The following DEFB124 variants were observed in gnomAD, a reference collection of about 807,000 sequenced individuals.
The protein encoded by DEFB124 is beta-defensin 124.
For missense variants in DEFB124, 78 were observed against 83.1 expected, an observed-to-expected ratio of 0.94 and a Z score of 0.24; for synonymous variants, 38 against 36.5, an observed-to-expected ratio of 1.04 and a Z score of -0.15.
At chr20:31,470,265 A>G (rs1297063847) in intron 2 of DEFB124, among the ~76,000 whole-genome samples, 1 of 111,178 alleles carries the variant, frequency 9.0e-6, no homozygotes, top group South Asian at 3.4e-4. Context: ...TGACCCCCCC[A>G]CCTCCCTCCC....
rs1321781578 is a variant in DEFB124, at chr20:31,465,568, A to G, written c.154T>C (p.Ser52Pro). The G allele has an allele frequency of 1.9e-6, 3 of 1,614,164 alleles. No individual in the cohort carries two copies. The highest frequency in any genetic ancestry group is 1.7e-5 in the Admixed American group (1 of 60,022). Residue 52 changes from serine (S) to proline (P), a missense_variant, in exon 3 of 3, where the codon TCC (serine) becomes CCC (proline). Transcript: ENST00000317676. ...ETYMHLCPDA[S>P]LCCLSYALKP... ...AATGCATAGGAGAGACAGCACAGGG[A>G]CGCATCCGGGCACAGGTGCATGTAA... is the stretch of plus-strand genomic sequence containing the variant.
intron 2 of DEFB124, among the ~76,000 whole-genome samples, chr20:31,468,738 G>C (rs1223804443): frequency 1.3e-5 from 2 of 151,852 alleles, no homozygotes; most frequent in Admixed American, 6.6e-5. Flanking sequence ...GCCTCCCAAA[G>C]TGCTGGGATT....
At chr20:31,470,586 G>T (rs1980230069) in intron 2 of DEFB124, among the ~76,000 whole-genome samples, 2 of 132,966 alleles carry the variant, frequency 1.5e-5, no homozygotes, top group African/African-American at 6.0e-5. Flanking sequence ...GGACGGGGCG[G>T]CTGGCCGGGC....
intron 2 of DEFB124, among the ~76,000 whole-genome samples, chr20:31,470,788 G>T (rs1459663425): frequency 9.2e-6 from 1 of 109,158 alleles, no homozygotes; most frequent in African/African-American, 3.6e-5. Context: ...GCTGGGCAGA[G>T]GCGCCCCTCA....
At chr20:31,474,129 A>C (rs948799098) in intron 1 of DEFB124, among the ~76,000 whole-genome samples, 3 of 152,262 alleles carry the variant, frequency 2.0e-5, no homozygotes, top group African/African-American at 7.2e-5. Flanking sequence ...TAGACAACCA[A>C]AAGTTTTTTA....
chr20:31,470,154 G>A (rs560700146), intron 2 of DEFB124, among the ~76,000 whole-genome samples: 2 of 132,794 alleles, frequency 1.5e-5, no homozygotes, highest in East Asian at 2.1e-4. Context: ...AGGGGCGGCC[G>A]GGCAGAGGTG....
chr20:31,471,403 C>T (rs868432571), intron 2 of DEFB124, among the ~76,000 whole-genome samples: 208 of 108,244 alleles, frequency 1.9e-3, no homozygotes, highest in African/African-American at 8.1e-3. Flanking sequence ...GCTGGCCGGG[C>T]GGGGGGCTGA....
chr20:31,471,337 A>C (rs1600568981), intron 2 of DEFB124, among the ~76,000 whole-genome samples: 3 of 39,806 alleles, frequency 7.5e-5, no homozygotes, highest in East Asian at 9.0e-4. Context: ...TCCCTCCCGG[A>C]CGGGGCGGCT....
chr20:31,468,888 G>A (rs1980150363), intron 2 of DEFB124, among the ~76,000 whole-genome samples: 1 of 152,036 alleles, frequency 6.6e-6, no homozygotes, highest in Admixed American at 6.5e-5. Context: ...AAAGCTGGAG[G>A]ATTGCTTGAG....
At chr20:31,466,866 C>T (rs1051699775) in intron 2 of DEFB124, among the ~76,000 whole-genome samples, 1 of 152,098 alleles carries the variant, frequency 6.6e-6, no homozygotes, top group Admixed American at 6.5e-5. Flanking sequence ...GCCTGTCCTT[C>T]ATTTATTCAC....
At chr20:31,471,379 T>C (rs1434182729) in intron 2 of DEFB124, among the ~76,000 whole-genome samples, 4 of 76,108 alleles carry the variant, frequency 5.3e-5, no homozygotes, top group Admixed American at 1.3e-4. Flanking sequence ...CCCACCTCCC[T>C]CCCGGACGGG....
intron 2 of DEFB124, among the ~76,000 whole-genome samples, chr20:31,470,027 G>A (rs1430250702): frequency 2.7e-5 from 4 of 148,584 alleles, no homozygotes; most frequent in Non-Finnish European, 5.9e-5. Flanking sequence ...AGGGGCGGCC[G>A]GGCAGAGGCG....
rs1235063645 is a variant in DEFB124, at chr20:31,472,228, C to G, written c.58+728G>C. 2.3e-4 allele frequency among the ~76,000 whole-genome samples: 35 copies of G among 152,352 alleles called. 1 individual carries two copies. In the South Asian group the frequency reaches 5.0e-3, roughly 22 times the overall value. ...CCAGCCCGGCCAACACAGCGAAACCCCATCTCCACCAAAAAAGTACGAAAA... is the reference window on the plus strand; with the variant it reads ...CCAGCCCGGCCAACACAGCGAAACCGCATCTCCACCAAAAAAGTACGAAAA... On this transcript the variant is annotated intron_variant, in intron 2 of 2. Coordinates refer to ENST00000317676, the MANE Select transcript of DEFB124 (RefSeq NM_001037500.2).
At chr20:31,466,710 C>T (rs1293238896) in intron 2 of DEFB124, among the ~76,000 whole-genome samples, 1 of 151,298 alleles carries the variant, frequency 6.6e-6, no homozygotes, top group Non-Finnish European at 1.5e-5. Context: ...ACACCCATTA[C>T]ATAAACTGCC....
chr20:31,473,686 A>C (rs1980396937), intron 1 of DEFB124, among the ~76,000 whole-genome samples: 2 of 152,188 alleles, frequency 1.3e-5, no homozygotes, highest in South Asian at 4.1e-4. Flanking sequence ...AAGCAGAAGA[A>C]GGCCACAGGT....
chr20:31,472,812 G>T (rs1980370900), intron 2 of DEFB124, 144 bp downstream of exon 2: 16 of 975,622 alleles, frequency 1.6e-5, no homozygotes, highest in Non-Finnish European at 2.3e-5. Context: ...CTTGCTCTAA[G>T]TTGCCCACCA....
chr20:31,472,448 G>GGAGAGGT (rs1356017483), intron 2 of DEFB124, among the ~76,000 whole-genome samples: 16 of 142,650 alleles, frequency 1.1e-4, no homozygotes, highest in African/African-American at 4.2e-4. Context: ...AAGGGAGAGG[G>GGAGAGGT]GAGAGGGGAG....
intron 2 of DEFB124, among the ~76,000 whole-genome samples, chr20:31,469,742 T>A (rs1456973467): frequency 6.7e-6 from 1 of 149,444 alleles, no homozygotes; most frequent in African/African-American, 2.5e-5. Context: ...ACAGCACATG[T>A]TTCAGAGAGC....
At chr20:31,467,278 C>T (rs911193128) in intron 2 of DEFB124, among the ~76,000 whole-genome samples, 3 of 152,230 alleles carry the variant, frequency 2.0e-5, no homozygotes, top group African/African-American at 7.2e-5. Flanking sequence ...TTTTATTCAA[C>T]CCTGCCGAGC....
Sources: gnomAD v4.1 joint callset for allele counts (sites outside exome capture counted in the v4.1 genomes callset) on GRCh38, gnomAD v4.1.1 for gene constraint, MANE v1.5 for transcripts, NCBI Gene and HGNC (gene_info 2026-07-23, HGNC 2026-07-21) for gene names.